RECQL5: variants seen among roughly 807,000 people sequenced by gnomAD.
The protein encoded by RECQL5 is ATP-dependent DNA helicase Q5.
In RECQL5, 88 loss-of-function variants were observed where a neutral mutation model predicts 103.4. The observed-to-expected ratio is 0.85, with a 90% CI of 0.72 to 1.02. The LOEUF (loss-of-function observed/expected upper bound fraction) is 1.02, where lower values mean the gene tolerates loss of function less well. Ranked by LOEUF, RECQL5 falls within the 50% of genes least tolerant of loss-of-function variation. The pLI, the probability that RECQL5 is intolerant of heterozygous loss-of-function variation, is 0.00. For synonymous variants in RECQL5, 552 were observed against 507.9 expected, an observed-to-expected ratio of 1.09 and a Z score of -1.17; for missense variants, 1,232 against 1,284.3, an observed-to-expected ratio of 0.96 and a Z score of 0.62.
intron 3 of RECQL5, among the ~76,000 whole-genome samples, chr17:75,663,989 G>A (rs1292024913): frequency 2.7e-5 from 4 of 148,686 alleles, no homozygotes. Flanking sequence ...GGGAGGCGGA[G>A]GTTGCGGTGA....
At chr17:75,635,235 T>C (rs904518478) in intron 8 of RECQL5, among the ~76,000 whole-genome samples, 1 of 152,174 alleles carries the variant, frequency 6.6e-6, no homozygotes, top group African/African-American at 2.4e-5. Context: ...GACAAGCTCC[T>C]GCGGTGTTGG....
At position 75,627,476 on chromosome 17, in the gene RECQL5, C is replaced by A. The variant is rs777150060; in HGVS notation, c.2922G>T (p.Arg974=). The part of the protein sequence containing the change: ...QNLIRHFFHG[R]ARCESEADWH... The stretch of plus-strand genomic sequence containing the variant: ...AGTCAGCTTCGCTCTCGCACCGGGC[C>A]CGGCCATGGAAGAAGTGCCTGATGA... Residue 974 remains arginine (R), a synonymous_variant, in exon 20 of 20, where the codon CGG becomes CGT. Coordinates refer to ENST00000317905, the MANE Select transcript of RECQL5 (RefSeq NM_004259.7). The A allele has an allele frequency of 6.2e-7, 1 of 1,613,834 alleles. No homozygotes were observed. Among genetic ancestry groups the A allele is most frequent in the Admixed American group, 1.7e-5 (1 of 60,026 alleles).
At chr17:75,639,185 A>T (rs2059385414) in intron 8 of RECQL5, 1 of 152,364 alleles carries the variant, frequency 6.6e-6, no homozygotes, top group African/African-American at 2.4e-5. Flanking sequence ...CATCTCAGCG[A>T]GAACCGGCTG....
rs368911492 is a variant in RECQL5 at position 75,663,001 on chromosome 17, A to G, written c.253-4T>C. 6.3e-7 allele frequency: 1 copy of G among 1,582,746 alleles called. No individual in the cohort carries two copies. Among genetic ancestry groups the G allele is most frequent in the Non-Finnish European group, 8.6e-7 (1 of 1,164,346 alleles). Reference sequence around the variant, plus strand: ...TTAGCAAGTGGTCCACTTGGTCCTAAGAGAAGAGAAAGAGGCTGTAACTGG... The same window carrying G: ...TTAGCAAGTGGTCCACTTGGTCCTAGGAGAAGAGAAAGAGGCTGTAACTGG... On this transcript the variant is annotated splice_polypyrimidine_tract_variant and splice_region_variant and intron_variant, in intron 3 of 19. Coordinates refer to ENST00000317905, the MANE Select transcript of RECQL5 (RefSeq NM_004259.7).
intron 8 of RECQL5, chr17:75,639,893 G>T: frequency 3.3e-6 from 1 of 305,520 alleles, no homozygotes. Context: ...ATGGAACAGC[G>T]AAGCCAGAAA....
At chr17:75,662,428 A>G (rs561354002) in intron 4 of RECQL5, 51 bp downstream of exon 4, 3 of 1,572,400 alleles carry the variant, frequency 1.9e-6, no homozygotes, top group Admixed American at 1.8e-5. Context: ...TCTCCATCAC[A>G]TCGCACCCCA....
intron 8 of RECQL5, chr17:75,639,938 G>A (rs377387910): frequency 2.8e-5 from 11 of 393,294 alleles, no homozygotes; most frequent in South Asian, 5.9e-5. Flanking sequence ...GGCAGCCCCC[G>A]AAGCAAGCCC....
At position 75,640,218 on chromosome 17, in the gene RECQL5, T is replaced by C; in HGVS notation, c.1230-8550A>G. On this transcript the variant is annotated intron_variant, in intron 8 of 19. Transcript: ENST00000317905. This position sits in a 1 kb window ranked among gnomAD's most constrained non-coding sequence, Gnocchi z 4.6. ...CAGCGCGGCATGGCTGCCACCGACT[T>C]CGTGCAGGAGATGCGCGCCGTGGGC... 1 of 1,550,014 alleles carries C rather than the reference T, an allele frequency of 6.5e-7. No homozygotes were observed. The highest frequency in any genetic ancestry group is 1.4e-5 in the African/African-American group (1 of 73,140).
At chr17:75,651,693 C>T (rs757226323) in intron 7 of RECQL5, among the ~76,000 whole-genome samples, 3 of 152,140 alleles carry the variant, frequency 2.0e-5, no homozygotes, top group African/African-American at 7.2e-5. Flanking sequence ...GTATCATAAC[C>T]CCCAGACTAC....
chr17:75,655,669 AATTTTT>A (rs973056807), intron 7 of RECQL5, among the ~76,000 whole-genome samples: 2 of 142,690 alleles, frequency 1.4e-5, no homozygotes, highest in Admixed American at 7.0e-5. Flanking sequence ...TGGCCTTTTT[AATTTTT>A]ATTTTTATTT....
Position 75,640,682 on chromosome 17 carries a change from C to T in RECQL5, c.1230-9014G>A. On this transcript the variant is annotated intron_variant, in intron 8 of 19. Coordinates refer to ENST00000317905, the MANE Select transcript of RECQL5 (RefSeq NM_004259.7). The surrounding 1 kb of genome is among the most constrained non-coding windows in gnomAD (Gnocchi z 4.6). ...GCCTCTCGGATCTTTCTGACCTCCACCAAACCTGTGGGGGAAAGACCCTGG... is the reference window on the plus strand; with the variant it reads ...GCCTCTCGGATCTTTCTGACCTCCATCAAACCTGTGGGGGAAAGACCCTGG... 1 of 1,485,712 alleles carries T rather than the reference C, an allele frequency of 6.7e-7. No individual in the cohort carries two copies. The highest frequency in any genetic ancestry group is 9.0e-7 in the Non-Finnish European group (1 of 1,114,658). 92.0% of individuals were successfully genotyped at this position (1,485,712 alleles called of 1,614,324 possible).
At position 75,630,770 on chromosome 17, in the gene RECQL5, G is replaced by A. The variant is rs754078748; in HGVS notation, c.1644+9C>T. 28 of 1,554,494 alleles carry A rather than the reference G, an allele frequency of 1.8e-5. No individual in the cohort carries two copies. In the East Asian group the frequency reaches 1.9e-4, roughly 11 times the overall value. The stretch of plus-strand genomic sequence containing the variant: ...CCGGCGGGTGGCTGAGGAGCTGCCC[G>A]TCTCTTACCTTCACAGTCAGCCTGG... On this transcript the variant is annotated intron_variant, in intron 12 of 19. Transcript: ENST00000317905.
intron 8 of RECQL5, among the ~76,000 whole-genome samples, chr17:75,635,205 C>T (rs2148259731): frequency 6.6e-6 from 1 of 152,370 alleles, no homozygotes; most frequent in East Asian, 1.9e-4. Context: ...GGGGCTTCGG[C>T]TGGGGCTGGT....
At chr17:75,638,509 CAT>C (rs2059370341) in intron 8 of RECQL5, 1 of 152,902 alleles carries the variant, frequency 6.5e-6, no homozygotes, top group Admixed American at 6.5e-5. Flanking sequence ...ACAACAAAAA[CAT>C]AGCTCCCCAC....
At chr17:75,662,371 C>G (rs1449906432) in intron 4 of RECQL5, 108 bp downstream of exon 4, 2 of 1,210,348 alleles carry the variant, frequency 1.7e-6, no homozygotes, top group Non-Finnish European at 2.3e-6. Flanking sequence ...TTTTAGGAAG[C>G]CTGGCTGAGA....
At chr17:75,658,951 A>C (rs935600746) in intron 6 of RECQL5, among the ~76,000 whole-genome samples, 1 of 152,236 alleles carries the variant, frequency 6.6e-6, no homozygotes, top group African/African-American at 2.4e-5. Context: ...ACAAGGTTAC[A>C]CAGTAAAGGG....
At chr17:75,628,021 A>AG (rs1460022080) in intron 18 of RECQL5, among the ~76,000 whole-genome samples, 197 bp downstream of exon 18, 20 of 150,114 alleles carry the variant, frequency 1.3e-4, no homozygotes, top group African/African-American at 4.4e-4. Context: ...AAAAAAAAAA[A>AG]AGAGAGCAGG....
chr17:75,654,737 A>G (rs1386027550), intron 7 of RECQL5, among the ~76,000 whole-genome samples: 1 of 152,154 alleles, frequency 6.6e-6, no homozygotes, highest in Non-Finnish European at 1.5e-5. Context: ...CTCCCAGCTC[A>G]GCATCCTGAG....
chr17:75,628,059 A>T (rs574168935), intron 18 of RECQL5, among the ~76,000 whole-genome samples, 159 bp downstream of exon 18: 1 of 149,680 alleles, frequency 6.7e-6, no homozygotes, highest in South Asian at 2.1e-4. Context: ...AGAGCAACCC[A>T]CGGCCATGAC....
Sources: allele counts gnomAD v4.1 joint callset (sites outside exome capture counted in the v4.1 genomes callset), GRCh38; gene constraint gnomAD v4.1.1; non-coding constraint Gnocchi (gnomAD v3.1); transcripts MANE v1.5; gene names NCBI Gene and HGNC (gene_info 2026-07-23, HGNC 2026-07-21).